Variants in TENM3 observed in about 807,000 individuals in gnomAD.
TENM3 encodes the protein teneurin-3.
Under a neutral mutation model 255.1 loss-of-function variants are expected in TENM3, and 63 were observed. That is an observed-to-expected ratio of 0.25 (90% CI 0.20 to 0.30). The LOEUF (loss-of-function observed/expected upper bound fraction) is 0.30, where lower values mean the gene tolerates loss of function less well. Ranked by LOEUF, TENM3 falls within the 10% of genes least tolerant of loss-of-function variation. TENM3 has a pLI of 1.00. For missense variants in TENM3, 2,929 were observed against 3,461.1 expected (o/e 0.85, Z 3.86); for synonymous variants, 1,306 against 1,322.3 (o/e 0.99, Z 0.27).
At chr4:182,274,511 T>C (rs979205368) in intron 1 of TENM3, among the ~76,000 whole-genome samples, 1 of 152,114 alleles carries the variant, frequency 6.6e-6, no homozygotes, top group Non-Finnish European at 1.5e-5. Flanking sequence ...TGTTTGGATA[T>C]TGAAAGAGGT....
At chr4:182,392,283 G>A (rs868834272) in intron 3 of TENM3, among the ~76,000 whole-genome samples, 3 of 152,238 alleles carry the variant, frequency 2.0e-5, no homozygotes, top group Admixed American at 1.3e-4. Flanking sequence ...TGGTATCACC[G>A]GGGAGAGGGA....
At position 182,432,491 on chromosome 4, in the gene TENM3, A is replaced by G. The variant is rs151315288; in HGVS notation, c.511+85562A>G. ...CTTAACAATGTAAATTATTTTTAGGACAATATGTACAATGTAATAACTGCT... is the reference window on the plus strand; with the variant it reads ...CTTAACAATGTAAATTATTTTTAGGGCAATATGTACAATGTAATAACTGCT... On this transcript the variant is annotated intron_variant, in intron 3 of 27. Transcript: ENST00000511685. 1.2e-3 allele frequency among the ~76,000 whole-genome samples: 180 copies of G among 152,324 alleles called. 1 individual carries two copies. Among genetic ancestry groups the G allele is most frequent in the African/African-American group, 4.1e-3 (170 of 41,584 alleles).
At chr4:181,453,407 G>A in the TENM3 span, among the ~76,000 whole-genome samples, 3 of 152,136 alleles carry the variant, frequency 2.0e-5, no homozygotes, top group Non-Finnish European at 2.9e-5. Flanking sequence ...GGCACTGAAA[G>A]AGGATAGTTG....
chr4:182,321,350 G>T (rs907462250), intron 1 of TENM3, among the ~76,000 whole-genome samples: 8 of 152,186 alleles, frequency 5.3e-5, no homozygotes, highest in Admixed American at 3.9e-4. Context: ...TTGGGGCCGG[G>T]CGCGGTGGCT....
intron 26 of TENM3, among the ~76,000 whole-genome samples, chr4:182,794,927 A>G (rs899269354): frequency 6.6e-6 from 1 of 151,742 alleles, no homozygotes; most frequent in South Asian, 2.1e-4. Flanking sequence ...TATTTCCAGG[A>G]GGAAGGTTCT....
intron 24 of TENM3, among the ~76,000 whole-genome samples, chr4:182,779,730 G>A (rs1275350173): frequency 2.6e-5 from 4 of 152,210 alleles, no homozygotes; most frequent in Non-Finnish European, 4.4e-5. Flanking sequence ...GTTGTTTCCT[G>A]ACTTTTTAAT....
chr4:182,092,822 G>A, the TENM3 span, among the ~76,000 whole-genome samples: 1 of 152,066 alleles, frequency 6.6e-6, no homozygotes. Context: ...AAAATTTAAG[G>A]TTAAGGTAGA....
intron 3 of TENM3, among the ~76,000 whole-genome samples, chr4:182,569,293 G>A (rs754804101): frequency 9.2e-5 from 14 of 152,150 alleles, no homozygotes; most frequent in East Asian, 1.9e-4. Flanking sequence ...AGTGGCTCAC[G>A]CCTGTAATCC....
At chr4:181,549,942 TTC>T in the TENM3 span, among the ~76,000 whole-genome samples, 2 of 152,172 alleles carry the variant, frequency 1.3e-5, no homozygotes, top group South Asian at 4.1e-4. Flanking sequence ...CAGTTTTTTT[TTC>T]TTTTAACAAC....
At chr4:182,148,894 C>G (rs1279331612) in intron 1 of TENM3, among the ~76,000 whole-genome samples, 1 of 151,736 alleles carries the variant, frequency 6.6e-6, no homozygotes, top group Non-Finnish European at 1.5e-5. Flanking sequence ...TACATGTTGT[C>G]CCAATCAAAT....
intron 1 of TENM3, among the ~76,000 whole-genome samples, chr4:182,261,189 A>G (rs1758767229): frequency 6.6e-6 from 1 of 152,170 alleles, no homozygotes; most frequent in Non-Finnish European, 1.5e-5. Flanking sequence ...CATTCTTTTC[A>G]AAATAGTCAC....
chr4:182,789,458 ACT>A lies in TENM3; in HGVS notation c.5601+70_5601+71del. On this transcript the variant is annotated intron_variant, in intron 25 of 27. Transcript: ENST00000511685. This position sits in a 1 kb window ranked among gnomAD's most constrained non-coding sequence, Gnocchi z 4.4. ...ACATTTTTCAGCAATCATCCAGAGC[ACT>A]AAGGGGAAAAAAAACAGTGGCACAT... 9.1e-6 allele frequency: 13 copies of A among 1,427,984 alleles called. No individual in the cohort carries two copies. In the Admixed American group the frequency reaches 1.8e-4, roughly 20 times the overall value. The allele number at this position is 1,427,984 out of a possible 1,614,324, so 88.5% of individuals were successfully genotyped here.
At chr4:182,082,961 A>G in the TENM3 span, among the ~76,000 whole-genome samples, 2 of 152,194 alleles carry the variant, frequency 1.3e-5, no homozygotes, top group Non-Finnish European at 2.9e-5. Context: ...TCAAATATCT[A>G]CTTTATTATA....
chr4:182,161,601 A>ACATATATATATG (rs1751193398), intron 1 of TENM3, among the ~76,000 whole-genome samples: 2 of 119,350 alleles, frequency 1.7e-5, no homozygotes, highest in African/African-American at 6.4e-5. Flanking sequence ...ATATATATAC[A>ACATATATATATG]TATATATATA....
At chr4:182,592,712 CAA>C (rs5864794) in intron 3 of TENM3, among the ~76,000 whole-genome samples, 2 of 151,060 alleles carry the variant, frequency 1.3e-5, no homozygotes, top group East Asian at 3.9e-4. Context: ...AAGACTGTGT[CAA>C]AAAAAAAATC....
At chr4:182,630,478 A>G (rs978979994) in intron 5 of TENM3, among the ~76,000 whole-genome samples, 1 of 152,146 alleles carries the variant, frequency 6.6e-6, no homozygotes, top group Admixed American at 6.5e-5. Context: ...AATTAAGAAT[A>G]TGTATTTGAA....
chr4:181,543,007 ACT>A, the TENM3 span, among the ~76,000 whole-genome samples: 14 of 152,174 alleles, frequency 9.2e-5, no homozygotes, highest in Non-Finnish European at 1.6e-4. Context: ...ATTCCAGCCA[ACT>A]CTCAACTAAC....
chr4:182,324,364 C>A, intron 2 of TENM3, 112 bp downstream of exon 2: 1 of 771,388 alleles, frequency 1.3e-6, no homozygotes, highest in Non-Finnish European at 2.2e-6. Context: ...GTTCCATCTG[C>A]TGATTCTGAT....
chr4:181,842,898 C>A, the TENM3 span, among the ~76,000 whole-genome samples: 2 of 152,076 alleles, frequency 1.3e-5, no homozygotes, highest in Non-Finnish European at 2.9e-5. Flanking sequence ...CAGAAATGAG[C>A]CATTGAGGAT....
Sources: allele counts gnomAD v4.1 joint callset (sites outside exome capture counted in the v4.1 genomes callset), GRCh38; gene constraint gnomAD v4.1.1; non-coding constraint Gnocchi (gnomAD v3.1); transcripts MANE v1.5; gene names NCBI Gene and HGNC (gene_info 2026-07-23, HGNC 2026-07-21).